ITGA1: variants seen among roughly 807,000 people sequenced by gnomAD.
ITGA1 encodes the protein integrin alpha-1.
In ITGA1, 85 loss-of-function variants were observed where a neutral mutation model predicts 145.9. The observed-to-expected ratio is 0.58, with a 90% confidence interval of 0.49 to 0.70. ITGA1 has a LOEUF of 0.70. ITGA1 is among the 30% of genes least tolerant of loss of function. The probability of loss-of-function intolerance (pLI) is 0.00; values close to 1 mark genes in which losing one functional copy is unlikely to be tolerated. For synonymous variants in ITGA1, 520 were observed against 495.3 expected (o/e 1.05, Z -0.66); for missense variants, 1,351 against 1,418.7 (o/e 0.95, Z 0.77).
At chr5:52,911,042 C>G (rs62651793) in intron 14 of ITGA1, among the ~76,000 whole-genome samples, 372 of 6,484 alleles carry the variant, frequency 0.057, no homozygotes, top group South Asian at 0.13. Context: ...ACTGTATATA[C>G]TATATATACT....
chr5:52,907,280 T>C (rs551716058), intron 12 of ITGA1, among the ~76,000 whole-genome samples: 1 of 152,294 alleles, frequency 6.6e-6, no homozygotes, highest in Non-Finnish European at 1.5e-5. Context: ...AGGCTATTGT[T>C]GTAGCTCAAA....
intron 1 of ITGA1, among the ~76,000 whole-genome samples, chr5:52,812,191 G>T (rs1239688360): frequency 6.6e-6 from 1 of 152,200 alleles, no homozygotes; most frequent in African/African-American, 2.4e-5. Context: ...ATGCCTCACT[G>T]TGGGATTTGT....
At chr5:52,927,898 G>A (rs1470404177) in intron 20 of ITGA1, among the ~76,000 whole-genome samples, 3 of 152,154 alleles carry the variant, frequency 2.0e-5, no homozygotes. Context: ...GCCTTTAGGA[G>A]GTCAGTAGGT....
At chr5:52,933,757 G>A (rs982086444) in intron 22 of ITGA1, 137 bp from the exon 23 acceptor site, 2 of 391,006 alleles carry the variant, frequency 5.1e-6, no homozygotes, top group Non-Finnish European at 9.4e-6. Context: ...ACGTTTCAAG[G>A]TAAATGAATT....
At chr5:52,912,085 T>A (rs1407449187) in intron 14 of ITGA1, among the ~76,000 whole-genome samples, 1 of 142,198 alleles carries the variant, frequency 7.0e-6, no homozygotes, top group East Asian at 2.1e-4. Flanking sequence ...ATATAGTATA[T>A]AGATACACTA....
In ITGA1 at chr5:52,865,745, C is replaced by T; in HGVS notation, c.552C>T (p.Tyr184=). ...VIVLDGSNSI[Y]PWDSVTAFLN... Reference sequence around the variant, plus strand: ...TGCTGGATGGTTCCAACAGTATTTACCCATGGGACAGTGTTACAGCTTTTT... The same window carrying T: ...TGCTGGATGGTTCCAACAGTATTTATCCATGGGACAGTGTTACAGCTTTTT... The change falls in exon 6 of 29, where the codon TAC becomes TAT. Residue 184 remains tyrosine, a synonymous_variant. Coordinates refer to ENST00000282588, the MANE Select transcript of ITGA1 (RefSeq NM_181501.2). 1 of 1,604,458 alleles carries T rather than the reference C, an allele frequency of 6.2e-7. No individual in the cohort carries two copies. The highest frequency in any genetic ancestry group is 1.1e-5 in the South Asian group (1 of 89,808).
intron 28 of ITGA1, chr5:52,948,793 G>T (rs1369322350): frequency 6.6e-6 from 1 of 151,996 alleles, no homozygotes; most frequent in African/African-American, 2.4e-5. Context: ...ATTTTTTTCA[G>T]CATAGTCTTC....
chr5:52,841,953 C>T (rs1749261181), intron 1 of ITGA1, among the ~76,000 whole-genome samples: 1 of 152,034 alleles, frequency 6.6e-6, no homozygotes, highest in African/African-American at 2.4e-5. Flanking sequence ...AAGAGAGGGG[C>T]CTCTCCAGCT....
intron 14 of ITGA1, among the ~76,000 whole-genome samples, chr5:52,914,560 T>A: frequency 6.7e-6 from 1 of 148,204 alleles, no homozygotes; most frequent in East Asian, 2.0e-4. Context: ...CACTTGAACC[T>A]GGGAAGTGAA....
At chr5:52,945,802 A>G (rs1252049265) in intron 27 of ITGA1, among the ~76,000 whole-genome samples, 1 of 152,208 alleles carries the variant, frequency 6.6e-6, no homozygotes, top group Admixed American at 6.5e-5. Context: ...GCTTATTTCA[A>G]ATTTTTCCAA....
At chr5:52,832,787 G>C (rs2456209) in intron 1 of ITGA1, among the ~76,000 whole-genome samples, 30 of 66,560 alleles carry the variant, frequency 4.5e-4, no homozygotes, top group South Asian at 9.5e-4. Context: ...GTGTGTGTGT[G>C]TGTGTGTGTG....
At chr5:52,795,820 C>T (rs1196216793) in intron 1 of ITGA1, among the ~76,000 whole-genome samples, 1 of 151,840 alleles carries the variant, frequency 6.6e-6, no homozygotes, top group Non-Finnish European at 1.5e-5. Flanking sequence ...GAGAGCAGGA[C>T]AAATAATCTT....
At chr5:52,855,859 T>G (rs555510365) in intron 2 of ITGA1, among the ~76,000 whole-genome samples, 1 of 152,304 alleles carries the variant, frequency 6.6e-6, no homozygotes, top group African/African-American at 2.4e-5. Flanking sequence ...AAACAGATAC[T>G]AGGAAAATAC....
rs1445083462 is a variant in ITGA1 at position 52,939,934 on chromosome 5, CT to C, written c.3279del (p.Phe1093LeufsTer2). 4.4e-6 allele frequency: 7 copies of C among 1,574,310 alleles called. No individual in the cohort carries two copies. Among genetic ancestry groups the C allele is most frequent in the Non-Finnish European group, 6.1e-6 (7 of 1,144,060 alleles). On this transcript the variant is annotated frameshift_variant, in exon 26 of 29. Transcript: ENST00000282588. LOFTEE classifies it high-confidence loss of function. ...GTTTCGCTTATCTTGTGGAAACCAA[CT>C]TTTATAAAAGTAAGTAAATACATAG... ...VNVSLILWKP[T>X]FIKSYFSSLN... is the part of the protein sequence containing the mutation.
intron 6 of ITGA1, among the ~76,000 whole-genome samples, chr5:52,866,722 G>A (rs540690528): frequency 2.6e-5 from 4 of 152,312 alleles, no homozygotes; most frequent in African/African-American, 9.6e-5. Context: ...GCCACTAAAT[G>A]AAGTGGAACT....
At chr5:52,870,382 A>G (rs1486915624) in intron 6 of ITGA1, among the ~76,000 whole-genome samples, 1 of 152,222 alleles carries the variant, frequency 6.6e-6, no homozygotes, top group Admixed American at 6.5e-5. Context: ...ATAGAAAGCT[A>G]AGAGCTGGAC....
At position 52,812,789 on chromosome 5, in the gene ITGA1, C is replaced by CTTT. The variant is rs61600951; in HGVS notation, c.61+24401_61+24403dup. Among the ~76,000 whole-genome samples, 10 of 86,138 alleles carry CTTT rather than the reference C, an allele frequency of 1.2e-4. 1 individual carries two copies. The highest frequency in any genetic ancestry group is 2.5e-4 in the African/African-American group (5 of 20,132). 56.5% of individuals were successfully genotyped at this position (86,138 alleles called of 152,430 possible). A position where few individuals can be genotyped will look rare whatever the true frequency, so the allele number is the denominator to read the frequency against. ...AAGTTCATTTTGTTCCTTCTTATCG[C>CTTT]TTTTTTTTTTTTTTTTTTTTTTTTT... On this transcript the variant is annotated intron_variant, in intron 1 of 28. Coordinates refer to ENST00000282588, the MANE Select transcript of ITGA1 (RefSeq NM_181501.2).
intron 6 of ITGA1, among the ~76,000 whole-genome samples, chr5:52,877,210 T>C (rs1181745275): frequency 6.6e-6 from 1 of 152,132 alleles, no homozygotes; most frequent in African/African-American, 2.4e-5. Context: ...TGTTATAGGA[T>C]GAAAGCAGAG....
chr5:52,849,612 T>C, intron 2 of ITGA1, 127 bp downstream of exon 2: 5 of 887,130 alleles, frequency 5.6e-6, no homozygotes, highest in Non-Finnish European at 7.9e-6. Flanking sequence ...GAAAATGCAG[T>C]CTAGTCATTT....
Sources: gnomAD v4.1 joint callset for allele counts (sites outside exome capture counted in the v4.1 genomes callset) on GRCh38, gnomAD v4.1.1 for gene constraint, MANE v1.5 for transcripts, NCBI Gene and HGNC (gene_info 2026-07-23, HGNC 2026-07-21) for gene names.